LANCL1: variants seen among roughly 807,000 people sequenced by gnomAD.
The protein encoded by LANCL1 is glutathione S-transferase LANCL1.
A neutral mutation model predicts 50.6 loss-of-function variants in LANCL1; 50 were observed. That is an observed-to-expected ratio of 0.99 (90% CI 0.79 to 1.25). The LOEUF is 1.25. Among genes scored for constraint, LANCL1 ranks in the 50% most tolerant of loss-of-function variants. LANCL1 has a pLI of 0.00. For synonymous variants in LANCL1, 188 were observed against 178.6 expected, an observed-to-expected ratio of 1.05 and a Z score of -0.42; for missense variants, 532 against 480.7, an observed-to-expected ratio of 1.11 and a Z score of -1.00.
At chr2:210,464,055 G>A (rs1228502582) in intron 3 of LANCL1, among the ~76,000 whole-genome samples, 2 of 152,158 alleles carry the variant, frequency 1.3e-5, no homozygotes, top group East Asian at 3.9e-4. Flanking sequence ...TAAAGTAAGT[G>A]TAAAGTACTT....
Position 210,434,052 on chromosome 2 carries a change from C to T in LANCL1, c.*435G>A, listed in dbSNP as rs1206307969. The T allele has an allele frequency of 1.3e-5, 2 of 152,262 alleles. No individual in the cohort carries two copies. Among genetic ancestry groups the T allele is most frequent in the Non-Finnish European group, 2.9e-5 (2 of 68,138 alleles). 9.4% of individuals were successfully genotyped at this position (152,262 alleles called of 1,614,324 possible). On this transcript the variant is annotated 3_prime_UTR_variant, in exon 10 of 10. Coordinates refer to ENST00000450366, the MANE Select transcript of LANCL1 (RefSeq NM_006055.3). The stretch of plus-strand genomic sequence containing the variant: ...GAAAAGCAAGTCAGAAAATTGTCTG[C>T]CCTCCAGTTGGAGGAAAAATATTAA...
chr2:210,435,262 T>C (rs1259629638), intron 9 of LANCL1, 125 bp downstream of exon 9: 3 of 686,830 alleles, frequency 4.4e-6, no homozygotes, highest in East Asian at 5.4e-5. Context: ...TTTAGCATAT[T>C]AGGAAATAAA....
intron 9 of LANCL1, 32 bp from the exon 10 acceptor site, chr2:210,434,595 T>C (rs1212565928): frequency 4.6e-6 from 7 of 1,521,066 alleles, no homozygotes; most frequent in South Asian, 3.4e-5. Context: ...AAAGTTATTA[T>C]ACCAAATGAC....
At chr2:210,441,905 T>C (rs1026307342) in intron 4 of LANCL1, among the ~76,000 whole-genome samples, 2 of 138,582 alleles carry the variant, frequency 1.4e-5, no homozygotes, top group African/African-American at 6.1e-5. Flanking sequence ...ATAATACATG[T>C]ACATTTTTTT....
rs1411073809 is a variant in LANCL1, at chr2:210,433,759, G to C, written c.*728C>G. 6.6e-6 allele frequency: 1 copy of C among 152,100 alleles called. No individual in the cohort carries two copies. The highest frequency in any genetic ancestry group is 1.9e-4 in the East Asian group (1 of 5,196). The allele number at this position is 152,100 out of a possible 1,614,324, so 9.4% of individuals were successfully genotyped here. A position where few individuals can be genotyped will look rare whatever the true frequency, so the allele number is the denominator to read the frequency against. On this transcript the variant is annotated 3_prime_UTR_variant, in exon 10 of 10. Coordinates refer to ENST00000450366, the MANE Select transcript of LANCL1 (RefSeq NM_006055.3). Reference sequence around the variant, plus strand: ...GAGAAAACACAGACTGTTATTGTTAGCTTATCTTAAACTAACCTTCAACTC... The same window carrying C: ...GAGAAAACACAGACTGTTATTGTTACCTTATCTTAAACTAACCTTCAACTC...
Position 210,433,965 on chromosome 2 carries a change from G to C in LANCL1, c.*522C>G, listed in dbSNP as rs1331724814. 1.3e-5 allele frequency: 2 copies of C among 152,056 alleles called. No individual in the cohort carries two copies. The highest frequency in any genetic ancestry group is 4.8e-5 in the African/African-American group (2 of 41,408). 9.4% of individuals were successfully genotyped at this position (152,056 alleles called of 1,614,324 possible). A position where few individuals can be genotyped will look rare whatever the true frequency, so the allele number is the denominator to read the frequency against. ...TACCAAGTCCAGATTGTAACTCTTGGAATTTTTCTCCTGGAAGCATTTAGT... is the reference window on the plus strand; with the variant it reads ...TACCAAGTCCAGATTGTAACTCTTGCAATTTTTCTCCTGGAAGCATTTAGT... On this transcript the variant is annotated 3_prime_UTR_variant, in exon 10 of 10. Coordinates refer to ENST00000450366, the MANE Select transcript of LANCL1 (RefSeq NM_006055.3).
chr2:210,446,607 G>GA (rs1232890445), intron 4 of LANCL1, among the ~76,000 whole-genome samples: 1 of 150,944 alleles, frequency 6.6e-6, no homozygotes, highest in Non-Finnish European at 1.5e-5. Flanking sequence ...TAAGACCCTT[G>GA]AAAAAAGCTT....
chr2:210,448,223 A>T (rs1457619212), intron 4 of LANCL1, among the ~76,000 whole-genome samples: 1 of 152,238 alleles, frequency 6.6e-6, no homozygotes, highest in African/African-American at 2.4e-5. Context: ...AACTACACGG[A>T]AAGTGAACAA....
chr2:210,474,474 G>C (rs1694300767), intron 2 of LANCL1, among the ~76,000 whole-genome samples: 1 of 151,942 alleles, frequency 6.6e-6, no homozygotes, highest in Non-Finnish European at 1.5e-5. Context: ...CCGGCACTTT[G>C]GGAGGCTGAG....
At chr2:210,450,908 G>C (rs1292151138) in intron 4 of LANCL1, among the ~76,000 whole-genome samples, 1 of 152,194 alleles carries the variant, frequency 6.6e-6, no homozygotes, top group Admixed American at 6.5e-5. Context: ...CAACCATTGT[G>C]GAAGACAGTG....
chr2:210,472,055 G>C lies in LANCL1; in HGVS notation c.103C>G (p.Arg35Gly). The change falls in exon 3 of 10, where the codon CGC (arginine) becomes GGC (glycine). Residue 35 changes from arginine (R) to glycine (G), a missense_variant. Arg to Gly is a moderately radical substitution (Grantham distance 125). Coordinates refer to ENST00000450366, the MANE Select transcript of LANCL1 (RefSeq NM_006055.3). ...AGCTCCCGAATCTTATTGGTCAAGC[G>C]TTGTGAGAACTCAGGAGTCAGCTAG... ...AGRLTPEFSQ[R>G]LTNKIRELLQ... 1 of 1,613,870 alleles carries C rather than the reference G, an allele frequency of 6.2e-7. No homozygotes were observed. The highest frequency in any genetic ancestry group is 8.5e-7 in the Non-Finnish European group (1 of 1,179,770).
intron 3 of LANCL1, among the ~76,000 whole-genome samples, chr2:210,458,850 A>G (rs1450112922): frequency 5.9e-5 from 9 of 152,212 alleles, no homozygotes. Context: ...CTTCTAACAT[A>G]ACAGCCAAAA....
chr2:210,450,346 A>G (rs1693475472), intron 4 of LANCL1, among the ~76,000 whole-genome samples: 1 of 152,236 alleles, frequency 6.6e-6, no homozygotes, highest in South Asian at 2.1e-4. Context: ...AATTAACTCA[A>G]GATGGATTAA....
At chr2:210,455,433 TGG>T (rs1693645085) in intron 3 of LANCL1, 119 bp from the exon 4 acceptor site, 1 of 803,236 alleles carries the variant, frequency 1.2e-6, no homozygotes. Flanking sequence ...ATTAATGATC[TGG>T]AAGTTTGGGT....
chr2:210,462,886 A>C (rs1266964010), intron 3 of LANCL1, among the ~76,000 whole-genome samples: 2 of 152,180 alleles, frequency 1.3e-5, no homozygotes, highest in Non-Finnish European at 2.9e-5. Flanking sequence ...CTTAAATCTG[A>C]CTAGTCATTA....
At chr2:210,463,869 G>A (rs990401432) in intron 3 of LANCL1, among the ~76,000 whole-genome samples, 6 of 152,272 alleles carry the variant, frequency 3.9e-5, no homozygotes, top group Middle Eastern at 3.4e-3. Context: ...AAAAGTCAGG[G>A]ATACAGCTTG....
At chr2:210,439,047 G>A (rs1233204967) in intron 6 of LANCL1, among the ~76,000 whole-genome samples, 2 of 152,124 alleles carry the variant, frequency 1.3e-5, no homozygotes, top group Non-Finnish European at 2.9e-5. Context: ...TTGTTTAGAA[G>A]GCAGATTTCA....
intron 3 of LANCL1, among the ~76,000 whole-genome samples, chr2:210,471,282 T>C (rs1694215560): frequency 7.6e-6 from 1 of 132,314 alleles, no homozygotes; most frequent in Non-Finnish European, 1.7e-5. Flanking sequence ...CTTGACCTCG[T>C]GATCCACCCG....
At chr2:210,453,980 T>C (rs1419650511) in intron 4 of LANCL1, among the ~76,000 whole-genome samples, 2 of 152,142 alleles carry the variant, frequency 1.3e-5, no homozygotes, top group Non-Finnish European at 2.9e-5. Flanking sequence ...GTTTTTAAAG[T>C]TATACTATGT....
Sources: allele counts gnomAD v4.1 joint callset (sites outside exome capture counted in the v4.1 genomes callset), GRCh38; gene constraint gnomAD v4.1.1; transcripts MANE v1.5; gene names NCBI Gene and HGNC (gene_info 2026-07-23, HGNC 2026-07-21).